The following CAST variants were observed in gnomAD, a reference collection of about 807,000 sequenced individuals.
CAST encodes calpastatin.
A neutral mutation model predicts 119.6 loss-of-function variants in CAST; 76 were observed. The observed-to-expected ratio is 0.64, with a 90% CI of 0.53 to 0.77. The LOEUF (loss-of-function observed/expected upper bound fraction) is 0.77. Ranked by LOEUF, CAST falls within the 30% of genes least tolerant of loss-of-function variation. The pLI, the probability that CAST is intolerant of heterozygous loss-of-function variation, is 0.00. For synonymous variants in CAST, 319 were observed against 331.6 expected (o/e 0.96, Z 0.41); for missense variants, 953 against 946.5 (o/e 1.01, Z -0.09).
the CAST span, among the ~76,000 whole-genome samples, chr5:95,978,988 C>T: frequency 1.3e-5 from 2 of 152,226 alleles, no homozygotes; most frequent in Non-Finnish European, 1.5e-5. Context: ...AGCTTCATCA[C>T]TCCTGTCAGT....
At chr5:96,313,873 A>G in the CAST span, among the ~76,000 whole-genome samples, 1 of 152,166 alleles carries the variant, frequency 6.6e-6, no homozygotes, top group Admixed American at 6.6e-5. Context: ...TTATAAAATC[A>G]GTTATGAAAA....
At chr5:96,392,298 C>T in the CAST span, 10 of 152,144 alleles carry the variant, frequency 6.6e-5, no homozygotes, top group African/African-American at 1.7e-4. Context: ...GCATGCAGCA[C>T]GAGTCATAAC....
the CAST span, among the ~76,000 whole-genome samples, chr5:96,398,248 T>C: frequency 6.6e-6 from 1 of 152,192 alleles, no homozygotes; most frequent in Admixed American, 6.5e-5. Context: ...TCCTCACATA[T>C]CACCCACAGA....
the CAST span, among the ~76,000 whole-genome samples, chr5:96,434,613 T>G: frequency 5.0e-5 from 7 of 141,322 alleles, 2 homozygotes; most frequent in East Asian, 2.1e-4. Flanking sequence ...GTTTGTTTTT[T>G]TTTTTGTTGT....
chr5:96,390,649 T>C, the CAST span: 2 of 152,652 alleles, frequency 1.3e-5, no homozygotes, highest in East Asian at 1.9e-4. Flanking sequence ...TATAATTTAT[T>C]ATGCTCTTTA....
the CAST span, among the ~76,000 whole-genome samples, chr5:96,425,493 A>G: frequency 8.4e-4 from 128 of 152,346 alleles, no homozygotes; most frequent in African/African-American, 2.9e-3. Flanking sequence ...AACTTTAACC[A>G]AATGAGATTT....
chr5:96,086,322 A>G, the CAST span, among the ~76,000 whole-genome samples: 1 of 152,218 alleles, frequency 6.6e-6, no homozygotes, highest in African/African-American at 2.4e-5. Flanking sequence ...AGCTCATCAC[A>G]AAGTAGGATG....
chr5:96,737,787 T>C, intron 10 of CAST, 62 bp from the exon 11 acceptor site: 1 of 951,728 alleles, frequency 1.1e-6, no homozygotes, highest in Non-Finnish European at 1.6e-6. Flanking sequence ...TTTTTTGTAG[T>C]TAAACTAAAG....
At chr5:96,128,448 C>G in the CAST span, among the ~76,000 whole-genome samples, 1 of 152,034 alleles carries the variant, frequency 6.6e-6, no homozygotes, top group Admixed American at 6.6e-5. Flanking sequence ...TTCCTTAGTT[C>G]TCTAGAGACC....
intron 1 of CAST, among the ~76,000 whole-genome samples, chr5:96,617,229 A>G (rs982577661): frequency 2.6e-5 from 4 of 151,052 alleles, no homozygotes; most frequent in Admixed American, 6.6e-5. Context: ...TTGCCCTATA[A>G]AAGAGCACAC....
rs530643984 is a variant in CAST at position 96,636,868 on chromosome 5, A to T, written c.61-38671A>T. Among the ~76,000 whole-genome samples, 7 of 151,820 alleles carry T rather than the reference A, an allele frequency of 4.6e-5. No individual in the cohort carries two copies. The East Asian group carries it at 1.2e-3, about 25-fold the overall frequency. ...CTGGAGCTGCTGAACCTGAGTAGCC[A>T]CATCTAACATCACATCACTCGTGGG... On this transcript the variant is annotated intron_variant, in intron 1 of 11. Transcript: ENST00000505143.
At chr5:96,306,497 AGTTT>A in the CAST span, among the ~76,000 whole-genome samples, 1 of 150,524 alleles carries the variant, frequency 6.6e-6, no homozygotes, top group Non-Finnish European at 1.5e-5. Flanking sequence ...TTTGCTTTTG[AGTTT>A]GTTTGGTTTT....
chr5:96,357,122 GCTCT>G, the CAST span, among the ~76,000 whole-genome samples: 1 of 151,990 alleles, frequency 6.6e-6, no homozygotes, highest in Non-Finnish European at 1.5e-5. Flanking sequence ...TCATGATCTG[GCTCT>G]CTGTTTGTCT....
Position 96,746,338 on chromosome 5 carries a change from T to A in CAST, c.1201-4T>A. 6.3e-7 allele frequency: 1 copy of A among 1,582,384 alleles called. No individual in the cohort carries two copies. The highest frequency in any genetic ancestry group is 8.7e-7 in the Non-Finnish European group (1 of 1,151,134). ...ACTTTTTTTTTCCCCTCCATTTTCA[T>A]CAGGCAAAAGCTAAAGAAGAAAAAC... On this transcript the variant is annotated splice_polypyrimidine_tract_variant and splice_region_variant and intron_variant, in intron 16 of 31. Coordinates refer to ENST00000675179, the MANE Select transcript of CAST (RefSeq NM_001750.7).
At chr5:96,117,820 G>GA in the CAST span, among the ~76,000 whole-genome samples, 1 of 152,100 alleles carries the variant, frequency 6.6e-6, no homozygotes, top group South Asian at 2.1e-4. Context: ...AAATCTGTTT[G>GA]AAAAAGGGAA....
At chr5:96,034,511 G>GCACACACA in the CAST span, among the ~76,000 whole-genome samples, 9,993 of 64,636 alleles carry the variant, frequency 0.15, 639 homozygotes, top group Middle Eastern at 0.23. Flanking sequence ...ACACACATAT[G>GCACACACA]TGTGTGTGTA....
chr5:96,441,880 A>G, the CAST span, among the ~76,000 whole-genome samples: 1 of 152,132 alleles, frequency 6.6e-6, no homozygotes, highest in Non-Finnish European at 1.5e-5. Flanking sequence ...CAATGACTTC[A>G]TTTCCATTTC....
In CAST at chr5:96,663,104, C is replaced by A. The variant is rs772002692; in HGVS notation, c.75+607C>A. On this transcript the variant is annotated intron_variant, in intron 1 of 31. Transcript: ENST00000675179. ...CACCCCGCGCCCTCGCCGGCTCCCC[C>A]GCCGTGCGGATCGGAGCCAGCCGGT... 60 of 702,478 alleles carry A rather than the reference C, an allele frequency of 8.5e-5. No individual in the cohort carries two copies. The South Asian group carries it at 8.9e-4, about 10-fold the overall frequency. The allele number at this position is 702,478 out of a possible 1,614,324, so 43.5% of individuals were successfully genotyped here. A position where few individuals can be genotyped will look rare whatever the true frequency, so the allele number is the denominator to read the frequency against.
At chr5:96,404,309 A>G in the CAST span, among the ~76,000 whole-genome samples, 8 of 152,216 alleles carry the variant, frequency 5.3e-5, no homozygotes, top group Admixed American at 4.6e-4. Context: ...AGGAATTCCT[A>G]GGTTGAATAC....
Sources: allele counts gnomAD v4.1 joint callset (sites outside exome capture counted in the v4.1 genomes callset), GRCh38; gene constraint gnomAD v4.1.1; transcripts MANE v1.5; gene names NCBI Gene and HGNC (gene_info 2026-07-23, HGNC 2026-07-21).